Variants in SLC37A3 observed in about 807,000 individuals in gnomAD.
SLC37A3 encodes sugar phosphate exchanger 3.
In SLC37A3, 51 loss-of-function variants were observed where a neutral mutation model predicts 67.1. The ratio of observed to expected loss-of-function variants is 0.76; its 90% CI spans 0.61 to 0.96. SLC37A3 has a LOEUF of 0.96. SLC37A3 is among the 40% of genes least tolerant of loss of function. SLC37A3 has a pLI of 0.00. For missense variants in SLC37A3, 508 were observed against 603.0 expected (o/e 0.84, Z 1.65); for synonymous variants, 214 against 231.4 (o/e 0.92, Z 0.68).
chr7:140,354,151 T>C (rs1202516872), intron 7 of SLC37A3, among the ~76,000 whole-genome samples: 1 of 152,262 alleles, frequency 6.6e-6, no homozygotes, highest in Non-Finnish European at 1.5e-5. Context: ...GACAGTTGTG[T>C]TCACTCTTTG....
At chr7:140,348,462 C>CT (rs66700092) in intron 10 of SLC37A3, 164 bp downstream of exon 10, 4,026 of 363,024 alleles carry the variant, frequency 0.011, no homozygotes, top group Middle Eastern at 0.013. Context: ...CTTTTCTTTT[C>CT]TTTTTTTTTT....
At chr7:140,349,538 A>AGG (rs147404251) in intron 9 of SLC37A3, among the ~76,000 whole-genome samples, 2 of 116,628 alleles carry the variant, frequency 1.7e-5, no homozygotes, top group Non-Finnish European at 1.9e-5. Flanking sequence ...CAAAGGAAAA[A>AGG]GGGGGGGGGG....
chr7:140,366,860 C>T (rs1047418401), intron 4 of SLC37A3, among the ~76,000 whole-genome samples: 1 of 152,100 alleles, frequency 6.6e-6, no homozygotes, highest in African/African-American at 2.4e-5. Flanking sequence ...ATAGGCTGGG[C>T]GCAGTGGCTC....
chr7:140,394,205 G>T (rs1038898863), intron 1 of SLC37A3, among the ~76,000 whole-genome samples: 2 of 151,868 alleles, frequency 1.3e-5, no homozygotes, highest in African/African-American at 4.8e-5. Context: ...CAATGAATTG[G>T]TTGACTGACA....
At chr7:140,349,923 A>T (rs1796725140) in intron 9 of SLC37A3, among the ~76,000 whole-genome samples, 1 of 152,234 alleles carries the variant, frequency 6.6e-6, no homozygotes, top group African/African-American at 2.4e-5. Context: ...ACAGGTCTAA[A>T]GCAACCTGCA....
chr7:140,345,224 G>C lies in SLC37A3; in HGVS notation c.1166C>G (p.Thr389Ser). 1 of 1,613,780 alleles carries C rather than the reference G, an allele frequency of 6.2e-7. No homozygotes were observed. The highest frequency in any genetic ancestry group is 8.5e-7 in the Non-Finnish European group (1 of 1,179,674). ...NDKSINALLM[T>S]VTGFFIGGPS... is the part of the protein sequence containing the mutation. ...AGAGCCATGTGCCGTACCTGTAACA[G>C]TCATCAGAAGGGCATTGATGGACTT... The change falls in exon 12 of 15, where the codon ACT becomes AGT. Residue 389 changes from threonine (T) to serine (S), a missense_variant. By Grantham distance (58) the Thr-to-Ser change is moderately conservative. Coordinates refer to ENST00000326232, the MANE Select transcript of SLC37A3 (RefSeq NM_207113.3).
chr7:140,386,136 C>T (rs1191479019), intron 1 of SLC37A3, among the ~76,000 whole-genome samples: 2 of 152,104 alleles, frequency 1.3e-5, no homozygotes, highest in East Asian at 3.9e-4. Flanking sequence ...GTCACCCAGA[C>T]TGGAGTGCAG....
chr7:140,392,241 T>A (rs1360178009), intron 1 of SLC37A3, among the ~76,000 whole-genome samples: 1 of 152,202 alleles, frequency 6.6e-6, no homozygotes, highest in Non-Finnish European at 1.5e-5. Flanking sequence ...GCCCAGATAG[T>A]CGCTAACCAC....
chr7:140,390,572 T>C (rs1798687418), intron 1 of SLC37A3, among the ~76,000 whole-genome samples: 1 of 152,136 alleles, frequency 6.6e-6, no homozygotes, highest in Non-Finnish European at 1.5e-5. Flanking sequence ...CTCTATAGCC[T>C]GCTGTTCCCC....
chr7:140,351,827 C>T (rs757764472), intron 8 of SLC37A3: 10 of 616,098 alleles, frequency 1.6e-5, no homozygotes, highest in Admixed American at 2.9e-5. Context: ...TTTGCAAATG[C>T]GAAGATTTTC....
At chr7:140,358,303 G>C (rs931663206) in intron 6 of SLC37A3, among the ~76,000 whole-genome samples, 9 of 152,106 alleles carry the variant, frequency 5.9e-5, no homozygotes, top group African/African-American at 2.2e-4. Context: ...AAACCCAAAG[G>C]AAGATACATG....
At chr7:140,389,231 T>C (rs1379508580) in intron 1 of SLC37A3, among the ~76,000 whole-genome samples, 2 of 152,120 alleles carry the variant, frequency 1.3e-5, no homozygotes, top group Admixed American at 6.5e-5. Flanking sequence ...TCATGCAACC[T>C]CTGGGGTCTG....
chr7:140,345,200 G>C lies in SLC37A3; in HGVS notation c.1174+16C>G, dbSNP rs1443975647. The C allele has an allele frequency of 3.1e-6, 5 of 1,609,558 alleles. No homozygotes were observed. Among genetic ancestry groups the C allele is most frequent in the Admixed American group, 1.7e-5 (1 of 59,784 alleles). On this transcript the variant is annotated intron_variant, in intron 12 of 14. Transcript: ENST00000326232. ...AGAGCAACAGAAGCATGGTGGAGCA[G>C]AGCCATGTGCCGTACCTGTAACAGT...
At chr7:140,359,215 T>C (rs929434068) in intron 5 of SLC37A3, among the ~76,000 whole-genome samples, 1 of 151,830 alleles carries the variant, frequency 6.6e-6, no homozygotes, top group African/African-American at 2.4e-5. Flanking sequence ...TGGTGGCAGG[T>C]GCCTGTAGTC....
intron 1 of SLC37A3, among the ~76,000 whole-genome samples, chr7:140,385,079 A>C (rs1201333738): frequency 1.3e-5 from 2 of 152,230 alleles, no homozygotes; most frequent in East Asian, 3.8e-4. Context: ...GGGACAAGCC[A>C]TGCTCTATAA....
intron 1 of SLC37A3, among the ~76,000 whole-genome samples, chr7:140,397,997 A>G (rs1490913492): frequency 5.3e-5 from 8 of 152,174 alleles, no homozygotes; most frequent in African/African-American, 1.9e-4. Flanking sequence ...TCTGACCTCT[A>G]TACATCCTTT....
chr7:140,351,470 C>CCA lies in SLC37A3; in HGVS notation c.704-21_704-20dup, dbSNP rs774590007. 1 of 1,611,220 alleles carries CCA rather than the reference C, an allele frequency of 6.2e-7. No homozygotes were observed. Among genetic ancestry groups the CCA allele is most frequent in the South Asian group, 1.1e-5 (1 of 90,674 alleles). On this transcript the variant is annotated intron_variant, in intron 8 of 14. Transcript: ENST00000326232. ...GAGAGACCTAAAATAACAGCGACAG[C>CCA]CACTGTTTATGGAGTGCCTACCACG...
rs549221927 is a variant in SLC37A3 at position 140,336,061 on chromosome 7, T to G, written c.1393-557A>C. Among the ~76,000 whole-genome samples, 91 of 152,314 alleles carry G rather than the reference T, an allele frequency of 6.0e-4. 1 individual carries two copies. In the South Asian group the frequency reaches 0.015, roughly 25 times the overall value. ...TGCCTTCAATTACAGTGCCCTGGAT[T>G]TGGGGACAGGATACTGAATGCGTCC... On this transcript the variant is annotated intron_variant, in intron 14 of 14. Transcript: ENST00000326232.
chr7:140,361,910 C>T (rs935267260), intron 5 of SLC37A3, among the ~76,000 whole-genome samples: 7 of 146,288 alleles, frequency 4.8e-5, no homozygotes, highest in Non-Finnish European at 9.1e-5. Context: ...CAACCTCCAC[C>T]TCCCAGCTGC....
Sources: allele counts gnomAD v4.1 joint callset (sites outside exome capture counted in the v4.1 genomes callset), GRCh38; gene constraint gnomAD v4.1.1; transcripts MANE v1.5; gene names NCBI Gene and HGNC (gene_info 2026-07-23, HGNC 2026-07-21).